PATJ: variants seen among roughly 807,000 people sequenced by gnomAD.
The protein encoded by PATJ is PATJ crumbs cell polarity complex component.
PATJ carries 190 observed loss-of-function variants against 224.9 expected under a neutral mutation model. The ratio of observed to expected loss-of-function variants is 0.84; its 90% confidence interval spans 0.75 to 0.95. The LOEUF is 0.95. Ranked by LOEUF, PATJ falls within the 40% of genes least tolerant of loss-of-function variation. The pLI is 0.00. For missense variants in PATJ, 2,121 were observed against 2,270.3 expected, an observed-to-expected ratio of 0.93 and a Z score of 1.34; for synonymous variants, 769 against 820.3, an observed-to-expected ratio of 0.94 and a Z score of 1.07.
intron 27 of PATJ, among the ~76,000 whole-genome samples, chr1:61,969,354 C>T (rs958544181): frequency 1.2e-4 from 18 of 152,246 alleles, no homozygotes; most frequent in African/African-American, 2.9e-4. Flanking sequence ...GATGCATAAA[C>T]GTTCCAGTTT....
chr1:61,872,633 A>G (rs1307359323), intron 20 of PATJ, among the ~76,000 whole-genome samples: 1 of 152,204 alleles, frequency 6.6e-6, no homozygotes, highest in Non-Finnish European at 1.5e-5. Context: ...TGCTGACATC[A>G]AGGCACCAAC....
chr1:61,960,316 C>T (rs1681085708), intron 27 of PATJ, among the ~76,000 whole-genome samples: 1 of 152,154 alleles, frequency 6.6e-6, no homozygotes, highest in Admixed American at 6.5e-5. Flanking sequence ...CCCTGCATGA[C>T]CATCCTTTCC....
chr1:62,015,815 G>A (rs111771195), intron 28 of PATJ, among the ~76,000 whole-genome samples: 162 of 152,240 alleles, frequency 1.1e-3, no homozygotes, highest in Middle Eastern at 3.4e-3. Flanking sequence ...CGATAGACAT[G>A]CACCACCACG....
At chr1:61,826,673 G>A (rs949451934) in intron 15 of PATJ, among the ~76,000 whole-genome samples, 1 of 152,070 alleles carries the variant, frequency 6.6e-6, no homozygotes, top group African/African-American at 2.4e-5. Context: ...TAATTTTTTG[G>A]TGACAAGGAT....
chr1:61,813,324 A>C, intron 14 of PATJ, among the ~76,000 whole-genome samples: 1 of 132,632 alleles, frequency 7.5e-6, no homozygotes, highest in Non-Finnish European at 1.6e-5. Context: ...ATCAACCTCT[A>C]TGGAATGTAC....
intron 26 of PATJ, among the ~76,000 whole-genome samples, chr1:61,914,962 C>T (rs1673242920): frequency 6.6e-6 from 1 of 152,192 alleles, no homozygotes; most frequent in African/African-American, 2.4e-5. Flanking sequence ...GCCTCTCACA[C>T]TGAGACTTTG....
intron 29 of PATJ, among the ~76,000 whole-genome samples, chr1:62,036,101 T>C (rs1185185273): frequency 6.6e-6 from 1 of 152,166 alleles, no homozygotes; most frequent in East Asian, 1.9e-4. Flanking sequence ...AGCTTCCTTA[T>C]CGACTTTGCT....
intron 7 of PATJ, among the ~76,000 whole-genome samples, chr1:61,777,979 A>G (rs1208728758): frequency 6.6e-6 from 1 of 151,978 alleles, no homozygotes; most frequent in Non-Finnish European, 1.5e-5. Flanking sequence ...TCTGGGGCTC[A>G]AGTGATCCCC....
chr1:61,982,259 T>C (rs192634510), intron 27 of PATJ, among the ~76,000 whole-genome samples: 1 of 152,148 alleles, frequency 6.6e-6, no homozygotes, highest in Non-Finnish European at 1.5e-5. Flanking sequence ...TTTTAGGGTA[T>C]TGTGTTCTGA....
intron 18 of PATJ, among the ~76,000 whole-genome samples, chr1:61,857,705 C>T (rs575455768): frequency 6.6e-6 from 1 of 152,346 alleles, no homozygotes; most frequent in South Asian, 2.1e-4. Flanking sequence ...CCAGGTTCTA[C>T]TCCCAGAGAT....
chr1:61,759,704 G>A (rs995432354), intron 1 of PATJ, among the ~76,000 whole-genome samples: 1 of 152,168 alleles, frequency 6.6e-6, no homozygotes, highest in Non-Finnish European at 1.5e-5. Flanking sequence ...CACAGCGCCC[G>A]GGCTGATCGC....
chr1:61,885,288 G>T (rs1431586231), intron 22 of PATJ, among the ~76,000 whole-genome samples: 1 of 152,052 alleles, frequency 6.6e-6, no homozygotes, highest in Admixed American at 6.6e-5. Flanking sequence ...ATCTGACAAA[G>T]GGCTAATATC....
intron 29 of PATJ, among the ~76,000 whole-genome samples, chr1:62,025,391 G>A (rs1335684785): frequency 1.3e-5 from 2 of 152,190 alleles, no homozygotes; most frequent in Non-Finnish European, 2.9e-5. Flanking sequence ...GTTTGTCCCT[G>A]AGGGTGAGGA....
At chr1:62,041,918 C>T (rs1318599823) in intron 30 of PATJ, among the ~76,000 whole-genome samples, 7 of 151,942 alleles carry the variant, frequency 4.6e-5, no homozygotes, top group Admixed American at 3.3e-4. Flanking sequence ...ACCCGGGAGG[C>T]GGAGCTTGCA....
chr1:62,014,269 C>T (rs559274048), intron 28 of PATJ, among the ~76,000 whole-genome samples: 2 of 152,012 alleles, frequency 1.3e-5, no homozygotes, highest in Non-Finnish European at 2.9e-5. Flanking sequence ...CTGTGTTGCC[C>T]AGGCTGGTCT....
chr1:62,142,124 TA>T (rs111470701), intron 41 of PATJ, among the ~76,000 whole-genome samples: 5,258 of 151,248 alleles, frequency 0.035, 163 homozygotes, highest in South Asian at 0.13. Flanking sequence ...GACGATACCT[TA>T]AAAAAAAACA....
chr1:62,117,374 A>G, intron 37 of PATJ, 156 bp downstream of exon 37: 1 of 1,423,800 alleles, frequency 7.0e-7, no homozygotes, highest in South Asian at 1.5e-5. Context: ...AATAAAAATG[A>G]AAGGTGGGAT....
At chr1:61,752,124 G>C (rs1645366593) in intron 1 of PATJ, among the ~76,000 whole-genome samples, 1 of 109,620 alleles carries the variant, frequency 9.1e-6, no homozygotes, top group Admixed American at 1.0e-4. Flanking sequence ...CGCAACAGGA[G>C]CAAAACATCA....
intron 25 of PATJ, among the ~76,000 whole-genome samples, chr1:61,912,244 T>C (rs927668532): frequency 1.1e-4 from 17 of 152,126 alleles, no homozygotes; most frequent in Non-Finnish European, 2.1e-4. Flanking sequence ...CATTGAGCAT[T>C]TTGTCTTCTA....
Sources: gnomAD v4.1 joint callset for allele counts (sites outside exome capture counted in the v4.1 genomes callset) on GRCh38, gnomAD v4.1.1 for gene constraint, MANE v1.5 for transcripts, NCBI Gene and HGNC (gene_info 2026-07-23, HGNC 2026-07-21) for gene names.